The following ZC3H11A variants were observed in gnomAD, a reference collection of about 807,000 sequenced individuals.
ZC3H11A encodes the protein zinc finger CCCH-type containing 11A, also known as zinc finger CCCH domain-containing protein 11A.
ZC3H11A carries 22 observed loss-of-function variants against 90.8 expected under a neutral mutation model. The ratio of observed to expected loss-of-function variants is 0.24; its 90% confidence interval spans 0.17 to 0.35. The LOEUF (loss-of-function observed/expected upper bound fraction) is 0.35, where lower values mean the gene tolerates loss of function less well. Ranked by LOEUF, ZC3H11A falls within the 10% of genes least tolerant of loss-of-function variation. The pLI, the probability that ZC3H11A is intolerant of heterozygous loss-of-function variation, is 1.00. For synonymous variants in ZC3H11A, 294 were observed against 339.8 expected, an observed-to-expected ratio of 0.87 and a Z score of 1.48; for missense variants, 701 against 964.9, an observed-to-expected ratio of 0.73 and a Z score of 3.62.
In ZC3H11A at chr1:203,850,562, T is replaced by C. The variant is rs1373457207; in HGVS notation, c.1987T>C (p.Ser663Pro). The C allele has an allele frequency of 6.2e-7, 1 of 1,613,906 alleles. No individual in the cohort carries two copies. Among genetic ancestry groups the C allele is most frequent in the East Asian group, 2.2e-5 (1 of 44,874 alleles). Residue 663 changes from serine to proline, a missense_variant, in exon 16 of 18, where the codon TCC becomes CCC. Ser to Pro is a moderately conservative substitution (Grantham distance 74). This residue lies in a region of ZC3H11A where 530 missense variants were observed against 696.2 expected (regional missense o/e 0.76). Transcript: ENST00000367210. The stretch of plus-strand genomic sequence containing the variant: ...GCCATCTGTGGTTAAAGTTGTGTCA[T>C]CCCCCAAATTGGCCCCAAAACGTAA... Reference protein sequence around the residue: ...VKPSVVKVVSSPKLAPKRKAV... With the variant: ...VKPSVVKVVSPPKLAPKRKAV...
At position 203,802,780 on chromosome 1, in the gene ZC3H11A, C is replaced by T. The variant is rs1479895123; in HGVS notation, c.-382C>T. 6.8e-6 allele frequency: 1 copy of T among 147,090 alleles called. No homozygotes were observed. Among genetic ancestry groups the T allele is most frequent in the Non-Finnish European group, 1.5e-5 (1 of 67,302 alleles). 9.1% of individuals were successfully genotyped at this position (147,090 alleles called of 1,614,324 possible). A position where few individuals can be genotyped will look rare whatever the true frequency, so the allele number is the denominator to read the frequency against. ...TGAGGAGATAACTAACCCTAGCTGT[C>T]TCCAGTCTGACAAAGGTTATTTGAA... On this transcript the variant is annotated 5_prime_UTR_variant, in exon 2 of 18. Coordinates refer to ENST00000367210, the MANE Select transcript of ZC3H11A (RefSeq NM_001376342.1).
chr1:203,836,436 A>G (rs1358671472), intron 10 of ZC3H11A, among the ~76,000 whole-genome samples: 4 of 152,198 alleles, frequency 2.6e-5, no homozygotes, highest in African/African-American at 9.6e-5. Flanking sequence ...ACTTTTAAAC[A>G]ACTTGTATTG....
At chr1:203,830,924 A>AATTTT (rs1682062416) in intron 8 of ZC3H11A, among the ~76,000 whole-genome samples, 36 of 89,890 alleles carry the variant, frequency 4.0e-4, no homozygotes, top group African/African-American at 1.4e-3. Flanking sequence ...TCCAACCCCC[A>AATTTT]ATTTTTTTTT....
At chr1:203,808,834 A>G (rs543572185) in intron 2 of ZC3H11A, among the ~76,000 whole-genome samples, 10 of 151,572 alleles carry the variant, frequency 6.6e-5, no homozygotes, top group Non-Finnish European at 8.8e-5. Flanking sequence ...ATTATTTTAT[A>G]TATTTATTTT....
intron 1 of ZC3H11A, chr1:203,801,189 A>T (rs1460712776): frequency 2.0e-5 from 3 of 152,208 alleles, no homozygotes; most frequent in Non-Finnish European, 4.4e-5. Flanking sequence ...TGTTTGCAAG[A>T]ATTGGAAAAG....
At chr1:203,845,063 A>G (rs1463889201) in intron 12 of ZC3H11A, among the ~76,000 whole-genome samples, 2 of 151,952 alleles carry the variant, frequency 1.3e-5, no homozygotes, top group East Asian at 3.9e-4. Context: ...TAGTTAACCC[A>G]AGTTTGACAG....
chr1:203,805,863 G>A, intron 2 of ZC3H11A: 1 of 872,646 alleles, frequency 1.1e-6, no homozygotes, highest in South Asian at 1.3e-5. Flanking sequence ...CTTCCATCAT[G>A]TCCACTAGCT....
At position 203,847,663 on chromosome 1, in the gene ZC3H11A, C is replaced by G; in HGVS notation, c.1522C>G (p.Leu508Val). ...CGAGGCCACTCCAGGGGCAAGGCGG[C>G]TGCTGCGAATCACCAAAAGAACAGG... is the stretch of plus-strand genomic sequence containing the variant. The part of the protein sequence containing the change: ...QHEATPGARR[L>V]LRITKRTGMK... Residue 508 changes from leucine (L) to valine (V), a missense_variant, in exon 13 of 18, where the codon CTG (leucine) becomes GTG (valine). This residue lies in a region of ZC3H11A where 530 missense variants were observed against 696.2 expected (regional missense o/e 0.76). Transcript: ENST00000367210. 1 of 1,612,398 alleles carries G rather than the reference C, an allele frequency of 6.2e-7. No individual in the cohort carries two copies. The highest frequency in any genetic ancestry group is 8.5e-7 in the Non-Finnish European group (1 of 1,179,804).
In ZC3H11A at chr1:203,805,897, T is replaced by G. The variant is rs1323117110; in HGVS notation, c.-146+2881T>G. The G allele has an allele frequency of 7.0e-6, 5 of 716,810 alleles. No individual in the cohort carries two copies. In the East Asian group the frequency reaches 1.7e-4, roughly 24 times the overall value. 44.4% of individuals were successfully genotyped at this position (716,810 alleles called of 1,614,324 possible). On this transcript the variant is annotated intron_variant, in intron 2 of 17. Transcript: ENST00000367210. ...CTGGTCTTGTAAATTCTCAATCTGG[T>G]CAGTTTTCACTTGCTTGTCTACCTT... is the stretch of plus-strand genomic sequence containing the variant.
At position 203,852,130 on chromosome 1, in the gene ZC3H11A, T is replaced by C; in HGVS notation, c.2175-11T>C. 1 of 1,613,286 alleles carries C rather than the reference T, an allele frequency of 6.2e-7. No homozygotes were observed. Among genetic ancestry groups the C allele is most frequent in the Non-Finnish European group, 8.5e-7 (1 of 1,179,760 alleles). On this transcript the variant is annotated splice_polypyrimidine_tract_variant and intron_variant, in intron 17 of 17. Coordinates refer to ENST00000367210, the MANE Select transcript of ZC3H11A (RefSeq NM_001376342.1). Reference sequence around the variant, plus strand: ...AACGGCAGTTTTCTAATAATCTTTTTTTTCTTACAGTCTTGTGCTGCCTCC... The same window carrying C: ...AACGGCAGTTTTCTAATAATCTTTTCTTTCTTACAGTCTTGTGCTGCCTCC...
intron 1 of ZC3H11A, chr1:203,797,699 T>C (rs872032): frequency 0.48 from 737,354 of 1,534,724 alleles, 182,429 homozygotes; most frequent in Non-Finnish European, 0.51. Flanking sequence ...CAAAACAGCC[T>C]GCTAAAAAGA....
chr1:203,798,559 C>T (rs1025431641), intron 1 of ZC3H11A: 17 of 1,536,002 alleles, frequency 1.1e-5, no homozygotes, highest in Non-Finnish European at 1.7e-6. Context: ...TTGAGTGATA[C>T]CTTGCATGGA....
intron 10 of ZC3H11A, among the ~76,000 whole-genome samples, chr1:203,834,639 T>C (rs1683635762): frequency 6.6e-6 from 1 of 152,104 alleles, no homozygotes; most frequent in Non-Finnish European, 1.5e-5. Flanking sequence ...CTAACGTGTC[T>C]GACTCCAAAA....
rs1162218831 is a variant in ZC3H11A at position 203,830,155 on chromosome 1, G to C, written c.652G>C (p.Glu218Gln). ...ECLNFGIKTL[E>Q]EIKSKKMKEK... ...TTTGAATTTTGGAATAAAAACTCTT[G>C]AGGAAATTAAGTCAAAGAAAATGAA... Residue 218 changes from glutamate to glutamine, a missense_variant, in exon 8 of 18, where the codon GAG (glutamate) becomes CAG (glutamine). This residue lies in a region of ZC3H11A where 530 missense variants were observed against 696.2 expected (regional missense o/e 0.76). Transcript: ENST00000367210. 2 of 1,597,424 alleles carry C rather than the reference G, an allele frequency of 1.3e-6. No individual in the cohort carries two copies.
chr1:203,798,459 A>G, intron 1 of ZC3H11A: 3 of 1,536,086 alleles, frequency 2.0e-6, no homozygotes, highest in Middle Eastern at 3.3e-4. Flanking sequence ...CCTGCAAGCC[A>G]CACATCCTAT....
At chr1:203,850,983 C>T in intron 16 of ZC3H11A, 74 bp from the exon 17 acceptor site, 2 of 1,511,570 alleles carry the variant, frequency 1.3e-6, no homozygotes, top group Admixed American at 1.8e-5. Context: ...TCTAAGAAGG[C>T]AGCAAAAGAA....
rs138030565 is a variant in ZC3H11A, at chr1:203,811,097, C to T, written c.-145-5829C>T. Among the ~76,000 whole-genome samples the T allele has an allele frequency of 6.0e-3, 899 of 149,442 alleles. 5 individuals carry two copies. Among genetic ancestry groups the T allele is most frequent in the Admixed American group, 9.8e-3 (146 of 14,918 alleles). ...TGGAGGTTGCAATGAGCCGAGATTG[C>T]GCCACTGCACTCCAGCAGCCTGGGT... On this transcript the variant is annotated intron_variant, in intron 2 of 17. Coordinates refer to ENST00000367210, the MANE Select transcript of ZC3H11A (RefSeq NM_001376342.1).
chr1:203,816,029 C>A (rs142983012), intron 2 of ZC3H11A, among the ~76,000 whole-genome samples: 79 of 152,234 alleles, frequency 5.2e-4, no homozygotes, highest in Middle Eastern at 3.4e-3. Flanking sequence ...CACCTCTAGT[C>A]GTCTTCATTA....
intron 1 of ZC3H11A, chr1:203,797,422 C>A: frequency 8.6e-7 from 1 of 1,162,316 alleles, no homozygotes; most frequent in Non-Finnish European, 1.2e-6. Flanking sequence ...CCCATAGAAA[C>A]TGGAGAAAAG....
Sources: allele counts gnomAD v4.1 joint callset (sites outside exome capture counted in the v4.1 genomes callset), GRCh38; gene constraint gnomAD v4.1.1; regional missense constraint gnomAD v4.1.1; transcripts MANE v1.5; gene names NCBI Gene and HGNC (gene_info 2026-07-23, HGNC 2026-07-21).